PSMB7: variants seen among roughly 807,000 people sequenced by gnomAD.
PSMB7 encodes proteasome 20S subunit beta 7.
Under a neutral mutation model 28.1 loss-of-function variants are expected in PSMB7, and 5 were observed. The observed-to-expected ratio is 0.18, with a 90% CI of 0.09 to 0.37. PSMB7 has a LOEUF of 0.37. PSMB7 is among the 10% of genes least tolerant of loss of function. PSMB7 has a pLI of 1.00. For missense variants in PSMB7, 275 were observed against 346.2 expected (o/e 0.79, Z 1.63); for synonymous variants, 122 against 123.7 (o/e 0.99, Z 0.09).
At chr9:124,403,236 T>C (rs1830929775) in intron 5 of PSMB7, among the ~76,000 whole-genome samples, 1 of 151,488 alleles carries the variant, frequency 6.6e-6, no homozygotes, top group African/African-American at 2.4e-5. Context: ...TTTTTTGCAG[T>C]CATTAAAAAA....
rs753371405 is a variant in PSMB7, at chr9:124,415,412, G to A, written c.14C>T (p.Ser5Leu). 4 of 1,614,102 alleles carry A rather than the reference G, an allele frequency of 2.5e-6. No homozygotes were observed. Among genetic ancestry groups the A allele is most frequent in the Middle Eastern group, 1.6e-4 (1 of 6,062 alleles). MAAV[S>L]VYAPPVGGFS... ...GCCTCCAACTGGTGGAGCATACACCGACACAGCCGCCATCTTCCCAAGAAA... is the reference window on the plus strand; with the variant it reads ...GCCTCCAACTGGTGGAGCATACACCAACACAGCCGCCATCTTCCCAAGAAA... Residue 5 changes from serine (S) to leucine (L), a missense_variant, in exon 1 of 8, where the codon TCG (serine) becomes TTG (leucine). Transcript: ENST00000259457.
intron 7 of PSMB7, among the ~76,000 whole-genome samples, chr9:124,354,564 G>A (rs2131136647): frequency 6.6e-6 from 1 of 152,286 alleles, no homozygotes; most frequent in Non-Finnish European, 1.5e-5. Flanking sequence ...CTAAAAGAGG[G>A]AGCAGGAAGC....
intron 7 of PSMB7, 24 bp from the exon 8 acceptor site, chr9:124,353,733 CAG>C: frequency 6.5e-7 from 1 of 1,546,362 alleles, no homozygotes; most frequent in Non-Finnish European, 8.9e-7. Context: ...AACAAAAGCA[CAG>C]AGTTAGGATT....
At chr9:124,390,553 C>T (rs1830773771) in intron 5 of PSMB7, among the ~76,000 whole-genome samples, 1 of 152,044 alleles carries the variant, frequency 6.6e-6, no homozygotes, top group Admixed American at 6.5e-5. Context: ...GGGAAGAGAT[C>T]CATGCTATAG....
intron 6 of PSMB7, among the ~76,000 whole-genome samples, chr9:124,370,223 CT>C (rs34812724): frequency 0.024 from 3,402 of 144,382 alleles, 67 homozygotes; most frequent in African/African-American, 0.049. Context: ...GAAAGAGCAC[CT>C]TTTTTTTTTT....
intron 5 of PSMB7, among the ~76,000 whole-genome samples, chr9:124,385,780 T>C (rs1333088715): frequency 6.6e-6 from 1 of 152,182 alleles, no homozygotes; most frequent in Non-Finnish European, 1.5e-5. Flanking sequence ...TCCTGCTGAT[T>C]TTATCAAGTC....
intron 5 of PSMB7, among the ~76,000 whole-genome samples, chr9:124,391,757 G>A (rs1404601256): frequency 6.6e-6 from 1 of 151,888 alleles, no homozygotes; most frequent in Non-Finnish European, 1.5e-5. Flanking sequence ...TTTTCTGAGC[G>A]AACAATCCAA....
chr9:124,403,831 C>G (rs577589394), intron 5 of PSMB7, among the ~76,000 whole-genome samples: 1 of 151,894 alleles, frequency 6.6e-6, no homozygotes, highest in Non-Finnish European at 1.5e-5. Flanking sequence ...CAATGTAAGG[C>G]TTCTACTCTA....
chr9:124,371,817 A>C (rs1830565867), intron 6 of PSMB7, among the ~76,000 whole-genome samples: 1 of 152,192 alleles, frequency 6.6e-6, no homozygotes, highest in East Asian at 1.9e-4. Flanking sequence ...CGAATTCAAC[A>C]CTATCTCTGA....
In PSMB7 at chr9:124,414,059, T is replaced by A. The variant is rs1831059213; in HGVS notation, c.157-54A>T. 4.3e-6 allele frequency: 5 copies of A among 1,161,196 alleles called. No homozygotes were observed. In the South Asian group the frequency reaches 5.2e-5, roughly 12 times the overall value. The allele number at this position is 1,161,196 out of a possible 1,614,324, so 71.9% of individuals were successfully genotyped here. ...TTTACAAATATAAGCCAACCGCAAC[T>A]CTCTATTCTACTTTAGGGAATACTA... is the stretch of plus-strand genomic sequence containing the variant. On this transcript the variant is annotated intron_variant, in intron 2 of 7. Transcript: ENST00000259457.
intron 6 of PSMB7, among the ~76,000 whole-genome samples, chr9:124,375,786 G>A (rs1358751926): frequency 2.0e-5 from 3 of 152,184 alleles, no homozygotes; most frequent in African/African-American, 7.2e-5. Context: ...AGTTGCACAG[G>A]AAGGTGCTTC....
intron 5 of PSMB7, among the ~76,000 whole-genome samples, chr9:124,402,196 C>G (rs1232636708): frequency 6.6e-6 from 1 of 152,138 alleles, no homozygotes; most frequent in Non-Finnish European, 1.5e-5. Context: ...ATTCTATAAA[C>G]TCAAGAGCTG....
chr9:124,354,685 G>A (rs1352018490), intron 7 of PSMB7, among the ~76,000 whole-genome samples: 1 of 152,126 alleles, frequency 6.6e-6, no homozygotes, highest in Admixed American at 6.5e-5. Flanking sequence ...CCCTCTTAAA[G>A]AATCCAAGCA....
At chr9:124,391,575 T>C (rs1209403454) in intron 5 of PSMB7, among the ~76,000 whole-genome samples, 2 of 152,060 alleles carry the variant, frequency 1.3e-5, no homozygotes, top group East Asian at 1.9e-4. Flanking sequence ...ATTAAACATA[T>C]GCCATTCACT....
intron 6 of PSMB7, among the ~76,000 whole-genome samples, chr9:124,375,076 G>A (rs1830596491): frequency 2.0e-5 from 3 of 152,040 alleles, no homozygotes; most frequent in South Asian, 2.1e-4. Flanking sequence ...AGGAAGTGGA[G>A]GTTGTAGGCC....
chr9:124,374,361 C>T (rs1377948476), intron 6 of PSMB7, among the ~76,000 whole-genome samples: 1 of 152,168 alleles, frequency 6.6e-6, no homozygotes, highest in East Asian at 1.9e-4. Context: ...CACTGAACTA[C>T]ACAGTTAGAA....
intron 5 of PSMB7, among the ~76,000 whole-genome samples, chr9:124,402,018 CA>C (rs34981907): frequency 8.3e-4 from 103 of 123,768 alleles, no homozygotes; most frequent in Non-Finnish European, 7.7e-4. Flanking sequence ...GACTCAGTCT[CA>C]AAAAAAAAAA....
intron 6 of PSMB7, among the ~76,000 whole-genome samples, chr9:124,370,341 A>G (rs770705259): frequency 1.3e-5 from 2 of 150,148 alleles, no homozygotes; most frequent in Non-Finnish European, 3.0e-5. Flanking sequence ...CAAAACCTAC[A>G]CTTGATATAG....
intron 4 of PSMB7, among the ~76,000 whole-genome samples, chr9:124,411,607 A>C (rs962887967): frequency 2.0e-5 from 3 of 152,232 alleles, no homozygotes; most frequent in African/African-American, 7.2e-5. Flanking sequence ...TGAGAAGCAA[A>C]TGAGAAAACA....
Sources: allele counts gnomAD v4.1 joint callset (sites outside exome capture counted in the v4.1 genomes callset), GRCh38; gene constraint gnomAD v4.1.1; transcripts MANE v1.5; gene names NCBI Gene and HGNC (gene_info 2026-07-23, HGNC 2026-07-21).